Variants in BTRC observed in about 807,000 individuals in gnomAD.
BTRC encodes the protein beta-transducin repeat containing E3 ubiquitin protein ligase, also known as F-box/WD repeat-containing protein 1A.
A neutral mutation model predicts 85.5 loss-of-function variants in BTRC; 42 were observed. That is an observed-to-expected ratio of 0.49 (90% confidence interval 0.38 to 0.64). The LOEUF is 0.64. Ranked by LOEUF, BTRC falls within the 30% of genes least tolerant of loss-of-function variation. The pLI is 0.00. For synonymous variants in BTRC, 255 were observed against 263.3 expected (o/e 0.97, Z 0.30); for missense variants, 594 against 743.5 (o/e 0.80, Z 2.34).
intron 1 of BTRC, among the ~76,000 whole-genome samples, chr10:101,358,870 A>G (rs964740514): frequency 2.0e-5 from 3 of 152,166 alleles, no homozygotes; most frequent in African/African-American, 7.2e-5. Context: ...AATAATGTCT[A>G]CCTATTGATA....
At chr10:101,473,806 C>G (rs909754232) in intron 3 of BTRC, among the ~76,000 whole-genome samples, 1 of 151,976 alleles carries the variant, frequency 6.6e-6, no homozygotes, top group African/African-American at 2.4e-5. Flanking sequence ...CTACGTTGCC[C>G]AGGCTGGTCC....
At chr10:101,367,970 C>T (rs983060564) in intron 1 of BTRC, among the ~76,000 whole-genome samples, 2 of 152,128 alleles carry the variant, frequency 1.3e-5, no homozygotes, top group Admixed American at 6.5e-5. Flanking sequence ...AGAATGGAAT[C>T]GCTGGGTCAC....
chr10:101,416,980 T>C (rs993378564), intron 1 of BTRC, among the ~76,000 whole-genome samples: 4 of 150,544 alleles, frequency 2.7e-5, no homozygotes, highest in Non-Finnish European at 5.9e-5. Context: ...ATTCTCAAAC[T>C]ACAGAAGAGT....
chr10:101,528,043 A>G (rs977330875), intron 6 of BTRC, among the ~76,000 whole-genome samples: 2 of 152,132 alleles, frequency 1.3e-5, no homozygotes, highest in Non-Finnish European at 2.9e-5. Flanking sequence ...TACATGAGAA[A>G]ATTTTAGGGC....
At chr10:101,540,831 G>T (rs1035127192) in intron 13 of BTRC, among the ~76,000 whole-genome samples, 1 of 152,104 alleles carries the variant, frequency 6.6e-6, no homozygotes, top group African/African-American at 2.4e-5. Flanking sequence ...CTGTAGATCA[G>T]TTTGGAGAAT....
chr10:101,498,018 C>CTTAA (rs757908721), intron 4 of BTRC, among the ~76,000 whole-genome samples: 9 of 151,900 alleles, frequency 5.9e-5, no homozygotes, highest in South Asian at 2.1e-4. Context: ...GACTCCGTCT[C>CTTAA]TTAATTAATT....
rs1485014629 is a variant in BTRC, at chr10:101,527,976, T to C, written c.743+1777T>C. 2.0e-5 allele frequency among the ~76,000 whole-genome samples: 3 copies of C among 152,110 alleles called. No homozygotes were observed. The East Asian group carries it at 5.8e-4, about 29-fold the overall frequency. On this transcript the variant is annotated intron_variant, in intron 6 of 14. Transcript: ENST00000370187. ...AAATGGAGTTATATGGTATTCGGGG[T>C]CCATCATTTTGCTAAGAGTGCTGGG...
At position 101,521,742 on chromosome 10, in the gene BTRC, A is replaced by G; in HGVS notation, c.428A>G (p.Gln143Arg). Reference sequence around the variant, plus strand: ...GAACTGTGTGTCAAATACTTTGAGCAGTGGTCAGAGTCAGATCAAGTGGAA... The same window carrying G: ...GAACTGTGTGTCAAATACTTTGAGCGGTGGTCAGAGTCAGATCAAGTGGAA... ...EKELCVKYFE[Q>R]WSESDQVEFV... Residue 143 changes from glutamine (Q) to arginine (R), a missense_variant, in exon 5 of 15, where the codon CAG becomes CGG. By Grantham distance (43) the Gln-to-Arg change is conservative. This residue lies in a region of BTRC where 163 missense variants were observed against 180.5 expected (regional missense o/e 0.90). Transcript: ENST00000370187. The G allele has an allele frequency of 6.2e-7, 1 of 1,614,166 alleles. No individual in the cohort carries two copies. Among genetic ancestry groups the G allele is most frequent in the Non-Finnish European group, 8.5e-7 (1 of 1,179,988 alleles).
intron 1 of BTRC, among the ~76,000 whole-genome samples, chr10:101,370,469 CT>C (rs1300480462): frequency 9.9e-5 from 15 of 152,184 alleles, no homozygotes; most frequent in African/African-American, 3.4e-4. Context: ...TCTGCTGATC[CT>C]GCAGATGTCT....
intron 1 of BTRC, among the ~76,000 whole-genome samples, chr10:101,389,121 T>TG (rs1943167488): frequency 1.6e-5 from 1 of 61,416 alleles, no homozygotes; most frequent in Non-Finnish European, 2.6e-5. Flanking sequence ...TTGTGTGTGT[T>TG]TTTTTTTTTT....
At chr10:101,399,081 T>C (rs1943433818) in intron 1 of BTRC, among the ~76,000 whole-genome samples, 1 of 152,154 alleles carries the variant, frequency 6.6e-6, no homozygotes, top group South Asian at 2.1e-4. Flanking sequence ...GCCTCCTGAG[T>C]AACTGGGACT....
At chr10:101,368,432 G>T (rs1942533388) in intron 1 of BTRC, among the ~76,000 whole-genome samples, 1 of 143,762 alleles carries the variant, frequency 7.0e-6, no homozygotes. Context: ...AATGGACTAA[G>T]ACACTTTAGT....
At chr10:101,464,120 T>G (rs1175920676) in intron 3 of BTRC, among the ~76,000 whole-genome samples, 1 of 152,142 alleles carries the variant, frequency 6.6e-6, no homozygotes, top group African/African-American at 2.4e-5. Flanking sequence ...CAGAAACAAC[T>G]GTCGGAAAAC....
At chr10:101,419,198 A>T (rs749052444) in intron 1 of BTRC, among the ~76,000 whole-genome samples, 5 of 151,956 alleles carry the variant, frequency 3.3e-5, no homozygotes, top group Non-Finnish European at 7.4e-5. Flanking sequence ...TTTAGTAGAG[A>T]CAGGGTTTCA....
At chr10:101,442,282 C>CTGTGTGTA (rs1357482554) in intron 2 of BTRC, among the ~76,000 whole-genome samples, 1 of 106,188 alleles carries the variant, frequency 9.4e-6, no homozygotes, top group African/African-American at 4.8e-5. Context: ...CTCTCTCTCT[C>CTGTGTGTA]TGTCTCTGTG....
rs57998321 is a variant in BTRC, at chr10:101,548,137, G to A, written c.1657-2562G>A. On this transcript the variant is annotated intron_variant, in intron 13 of 14. Transcript: ENST00000370187. The stretch of plus-strand genomic sequence containing the variant: ...AGTAACAAACTCTGATAAACTGTTG[G>A]TGTGAGTATAAATTGGCATGACTTT... Among the ~76,000 whole-genome samples, 1,182 of 152,298 alleles carry A rather than the reference G, an allele frequency of 7.8e-3. 17 individuals are homozygous for A. Among genetic ancestry groups the A allele is most frequent in the African/African-American group, 0.027 (1,129 of 41,538 alleles).
intron 4 of BTRC, among the ~76,000 whole-genome samples, chr10:101,519,171 T>A (rs749661772): frequency 1.1e-4 from 16 of 147,878 alleles, no homozygotes; most frequent in Non-Finnish European, 1.5e-4. Context: ...CTCCACCTCC[T>A]GGGTTCAAGT....
chr10:101,435,824 C>T (rs1326094185), intron 2 of BTRC, among the ~76,000 whole-genome samples: 1 of 151,562 alleles, frequency 6.6e-6, no homozygotes, highest in Non-Finnish European at 1.5e-5. Context: ...CTAATATTGA[C>T]AAATATGTTA....
chr10:101,477,917 T>C (rs1945732668), intron 3 of BTRC, among the ~76,000 whole-genome samples: 1 of 152,138 alleles, frequency 6.6e-6, no homozygotes, highest in South Asian at 2.1e-4. Flanking sequence ...CCCAAAGTGT[T>C]AGGATTACAG....
Sources: allele counts gnomAD v4.1 joint callset (sites outside exome capture counted in the v4.1 genomes callset), GRCh38; gene constraint gnomAD v4.1.1; regional missense constraint gnomAD v4.1.1; transcripts MANE v1.5; gene names NCBI Gene and HGNC (gene_info 2026-07-23, HGNC 2026-07-21).